Variants in PLXNA2 observed in about 807,000 individuals in gnomAD.
The protein encoded by PLXNA2 is plexin A2, also known as plexin-A2.
In PLXNA2, 91 loss-of-function variants were observed where a neutral mutation model predicts 193.5. The ratio of observed to expected loss-of-function variants is 0.47; its 90% CI spans 0.40 to 0.56. PLXNA2 has a LOEUF of 0.56. Ranked by LOEUF, PLXNA2 falls within the 20% of genes least tolerant of loss-of-function variation. The pLI is 0.00. For synonymous variants in PLXNA2, 997 were observed against 1,027.3 expected (o/e 0.97, Z 0.56); for missense variants, 1,995 against 2,503.2 (o/e 0.80, Z 4.33).
At chr1:208,111,071 A>G (rs1395791104) in intron 4 of PLXNA2, among the ~76,000 whole-genome samples, 1 of 151,884 alleles carries the variant, frequency 6.6e-6, no homozygotes, top group Non-Finnish European at 1.5e-5. Flanking sequence ...TTTTTTTTAA[A>G]CGACAGTCTT....
intron 3 of PLXNA2, among the ~76,000 whole-genome samples, chr1:208,151,731 A>G (rs1490788164): frequency 6.6e-6 from 1 of 152,262 alleles, no homozygotes; most frequent in Non-Finnish European, 1.5e-5. Context: ...CTCATTTTAT[A>G]GAAAAAGACA....
chr1:208,177,525 T>G (rs1449266916), intron 3 of PLXNA2, among the ~76,000 whole-genome samples: 1 of 152,278 alleles, frequency 6.6e-6, no homozygotes, highest in East Asian at 1.9e-4. Flanking sequence ...GAGTGTTTAC[T>G]ATAATGATTA....
intron 4 of PLXNA2, among the ~76,000 whole-genome samples, chr1:208,125,605 G>A (rs143427842): frequency 2.2e-4 from 33 of 152,244 alleles, no homozygotes; most frequent in Middle Eastern, 6.8e-3. Context: ...AGCCCAATTC[G>A]AAGCATATTA....
chr1:208,169,891 T>C (rs951538687), intron 3 of PLXNA2, among the ~76,000 whole-genome samples: 2 of 152,110 alleles, frequency 1.3e-5, no homozygotes, highest in Admixed American at 6.5e-5. Context: ...TATTGACTAT[T>C]AAGAAAAAGT....
At chr1:208,235,575 C>T (rs1193992567) in intron 1 of PLXNA2, among the ~76,000 whole-genome samples, 4 of 152,232 alleles carry the variant, frequency 2.6e-5, no homozygotes, top group Admixed American at 6.5e-5. Flanking sequence ...AACCTCTTAT[C>T]TCCCTCCTGG....
chr1:208,217,203 G>A lies in PLXNA2; in HGVS notation c.720C>T (p.Asp240=), dbSNP rs1184171171. The A allele has an allele frequency of 1.9e-6, 3 of 1,614,080 alleles. No homozygotes were observed. The highest frequency in any genetic ancestry group is 1.3e-5 in the African/African-American group (1 of 74,940). ...TAGCAAAGCCGTAGATGTAGAAGAT[G>A]TCAAAGTGGGAGACCAGGGCCAGGG... ...SDTLALVSHF[D]IFYIYGFASG... is the part of the protein sequence containing the mutation. Residue 240 remains aspartate (D), a synonymous_variant, in exon 2 of 32, where the codon GAC becomes GAT. Coordinates refer to ENST00000367033, the MANE Select transcript of PLXNA2 (RefSeq NM_025179.4). The surrounding 1 kb of genome is among the most constrained non-coding windows in gnomAD (Gnocchi z 4.7).
intron 3 of PLXNA2, among the ~76,000 whole-genome samples, chr1:208,146,779 C>T (rs1668616440): frequency 6.6e-6 from 1 of 152,168 alleles, no homozygotes; most frequent in Admixed American, 6.5e-5. Flanking sequence ...TCCCAAAATC[C>T]AACCAGGCAG....
At chr1:208,144,923 C>G (rs570808706) in intron 3 of PLXNA2, among the ~76,000 whole-genome samples, 2 of 151,950 alleles carry the variant, frequency 1.3e-5, no homozygotes, top group South Asian at 4.2e-4. Context: ...CAGCCTGTAA[C>G]CTGGAGCAAT....
chr1:208,201,973 A>ATTTTTTTTTT (rs59313982), intron 3 of PLXNA2, among the ~76,000 whole-genome samples: 1 of 132,626 alleles, frequency 7.5e-6, no homozygotes, highest in African/African-American at 2.9e-5. Context: ...CAGGGCAAGA[A>ATTTTTTTTTT]TTTTTTTTTT....
chr1:208,055,400 G>A (rs866714998), intron 13 of PLXNA2, among the ~76,000 whole-genome samples: 75 of 152,156 alleles, frequency 4.9e-4, no homozygotes, highest in African/African-American at 1.7e-3. Flanking sequence ...AGAAAGGGTG[G>A]GCAGCTGAGG....
At chr1:208,125,359 T>G (rs1215406618) in intron 4 of PLXNA2, among the ~76,000 whole-genome samples, 1 of 152,208 alleles carries the variant, frequency 6.6e-6, no homozygotes, top group Non-Finnish European at 1.5e-5. Context: ...CATCCACTGC[T>G]CAGCATCTCT....
intron 4 of PLXNA2, among the ~76,000 whole-genome samples, chr1:208,107,867 C>T (rs1197589199): frequency 6.6e-6 from 1 of 152,118 alleles, no homozygotes; most frequent in Non-Finnish European, 1.5e-5. Context: ...GCCTTCTCCC[C>T]AGGACCCGCA....
rs567034089 is a variant in PLXNA2 at position 208,028,844 on chromosome 1, C to T, written c.5424G>A (p.Lys1808=). Reference sequence around the variant, plus strand: ...GTGCTACTGACCTCTCCACCCAGCTCTTGTAGCTGGGGATGTCCTTGGCAT... The same window carrying T: ...GTGCTACTGACCTCTCCACCCAGCTTTTGTAGCTGGGGATGTCCTTGGCAT... ...LLYAKDIPSY[K]SWVERYYADI... is the part of the protein sequence containing the mutation. The change falls in exon 30 of 32, where the codon AAG becomes AAA. Residue 1808 remains lysine (K), a synonymous_variant. Transcript: ENST00000367033. This position sits in a 1 kb window ranked among gnomAD's most constrained non-coding sequence, Gnocchi z 4.2. 1.2e-6 allele frequency: 2 copies of T among 1,613,872 alleles called. No homozygotes were observed. The highest frequency in any genetic ancestry group is 2.2e-5 in the East Asian group (1 of 44,870).
At chr1:208,216,677 A>G in intron 2 of PLXNA2, 58 bp downstream of exon 2, 2 of 1,552,472 alleles carry the variant, frequency 1.3e-6, no homozygotes, top group Non-Finnish European at 1.7e-6. Context: ...GGGCATGGAC[A>G]GGAAGGTTGG....
intron 29 of PLXNA2, chr1:208,030,697 GCT>G: frequency 1.0e-6 from 1 of 985,434 alleles, no homozygotes; most frequent in Non-Finnish European, 1.2e-6. Flanking sequence ...ATCTGTGTCG[GCT>G]CTGTTTTCTG....
In PLXNA2 at chr1:208,028,681, C is replaced by T. The variant is rs1664411197; in HGVS notation, c.5438+149G>A. 2.9e-6 allele frequency: 2 copies of T among 682,270 alleles called. No individual in the cohort carries two copies. The allele number at this position is 682,270 out of a possible 1,614,324, so 42.3% of individuals were successfully genotyped here. ...CCACGGGCACAAAGCCACCCTTCCT[C>T]CCGCAGCAGGGGGTGTGGCAGGGAG... On this transcript the variant is annotated intron_variant, in intron 30 of 31. Transcript: ENST00000367033. The surrounding 1 kb of genome is among the most constrained non-coding windows in gnomAD (Gnocchi z 4.2).
chr1:208,031,680 G>A lies in PLXNA2; in HGVS notation c.5135C>T (p.Ala1712Val). The A allele has an allele frequency of 6.2e-7, 1 of 1,613,776 alleles. No homozygotes were observed. The highest frequency in any genetic ancestry group is 8.5e-7 in the Non-Finnish European group (1 of 1,179,934). Residue 1712 changes from alanine to valine, a missense_variant, in exon 29 of 32, where the codon GCC becomes GTC. Ala to Val is a moderately conservative substitution (Grantham distance 64). Coordinates refer to ENST00000367033, the MANE Select transcript of PLXNA2 (RefSeq NM_025179.4). ...TVHRGSALPL[A>V]IKYMFDFLDE... ...TAGGAAATCAAACATGTACTTGATG[G>A]CCAGGGGGAGAGCGCTGCCCCGGTG...
intron 3 of PLXNA2, among the ~76,000 whole-genome samples, chr1:208,174,304 G>A (rs917281259): frequency 6.6e-6 from 1 of 151,666 alleles, no homozygotes; most frequent in African/African-American, 2.4e-5. Flanking sequence ...GCTGGAGAGA[G>A]AAGGGCTAAC....
intron 3 of PLXNA2, among the ~76,000 whole-genome samples, chr1:208,208,122 A>G (rs891175726): frequency 6.6e-6 from 1 of 152,232 alleles, no homozygotes; most frequent in Non-Finnish European, 1.5e-5. Flanking sequence ...GGGAAAGTCA[A>G]CTCAAGGTCC....
Sources: allele counts gnomAD v4.1 joint callset (sites outside exome capture counted in the v4.1 genomes callset), GRCh38; gene constraint gnomAD v4.1.1; non-coding constraint Gnocchi (gnomAD v3.1); transcripts MANE v1.5; gene names NCBI Gene and HGNC (gene_info 2026-07-23, HGNC 2026-07-21).